The following ABCF3 variants were observed in gnomAD, a reference collection of about 807,000 sequenced individuals.
ABCF3 encodes ATP-binding cassette sub-family F member 3.
In ABCF3, 62 loss-of-function variants were observed where a neutral mutation model predicts 94.3. The observed-to-expected ratio is 0.66, with a 90% CI of 0.54 to 0.81. ABCF3 has a LOEUF of 0.81. ABCF3 is among the 40% of genes least tolerant of loss of function. The pLI is 0.00. For missense variants in ABCF3, 843 were observed against 925.3 expected, an observed-to-expected ratio of 0.91 and a Z score of 1.15; for synonymous variants, 355 against 361.1, an observed-to-expected ratio of 0.98 and a Z score of 0.19.
At position 184,190,263 on chromosome 3, in the gene ABCF3, G is replaced by A. The variant is rs557683269; in HGVS notation, c.1391+332G>A. 297 of 350,380 alleles carry A rather than the reference G, an allele frequency of 8.5e-4. 1 individual carries two copies. Among genetic ancestry groups the A allele is most frequent in the African/African-American group, 5.7e-3 (276 of 48,062 alleles). The allele number at this position is 350,380 out of a possible 1,614,324, so 21.7% of individuals were successfully genotyped here. A position where few individuals can be genotyped will look rare whatever the true frequency, so the allele number is the denominator to read the frequency against. ...GAGGCTCATCCATATTGTAGCGTGC[G>A]TCAGAGCTTCATTTCTTTTCGTGGC... On this transcript the variant is annotated intron_variant, in intron 14 of 20. Coordinates refer to ENST00000429586, the MANE Select transcript of ABCF3 (RefSeq NM_018358.3).
intron 18 of ABCF3, 96 bp downstream of exon 18, chr3:184,192,992 C>G: frequency 6.4e-7 from 1 of 1,565,492 alleles, no homozygotes; most frequent in Non-Finnish European, 8.7e-7. Context: ...GCGTGCAGAG[C>G]AGCCCCGCCA....
In ABCF3 at chr3:184,186,299, G is replaced by A. The variant is rs1480643863; in HGVS notation, c.73+19G>A. The A allele has an allele frequency of 3.1e-6, 5 of 1,613,878 alleles. No homozygotes were observed. Among genetic ancestry groups the A allele is most frequent in the Non-Finnish European group, 4.2e-6 (5 of 1,179,868 alleles). ...GTGACCGGTAAGCAGAACTGAATCG[G>A]CCGGCTGGGGAGACCGAAGTGGAGG... is the stretch of plus-strand genomic sequence containing the variant. On this transcript the variant is annotated intron_variant, in intron 1 of 20. Coordinates refer to ENST00000429586, the MANE Select transcript of ABCF3 (RefSeq NM_018358.3).
rs1560135942 is a variant in ABCF3 at position 184,191,187 on chromosome 3, T to G, written c.1501T>G (p.Tyr501Asp). Reference protein sequence around the residue: ...ILQLDEVDFYYDPKHVIFSRL... With the variant: ...ILQLDEVDFYDDPKHVIFSRL... Reference sequence around the variant, plus strand: ...GCAGCTAGATGAGGTGGATTTCTACTACGATCCGAAGCACGTCATCTTCAG... The same window carrying G: ...GCAGCTAGATGAGGTGGATTTCTACGACGATCCGAAGCACGTCATCTTCAG... The change falls in exon 16 of 21, where the codon TAC becomes GAC. Residue 501 changes from tyrosine to aspartate, a missense_variant. Physicochemically the swap from Tyr to Asp is radical, Grantham distance 160 (BLOSUM62 -3). Transcript: ENST00000429586. 1 of 1,614,220 alleles carries G rather than the reference T, an allele frequency of 6.2e-7. No individual in the cohort carries two copies.
At chr3:184,191,644 A>G (rs1287382589) in intron 16 of ABCF3, among the ~76,000 whole-genome samples, 5 of 151,906 alleles carry the variant, frequency 3.3e-5, no homozygotes, top group African/African-American at 9.7e-5. Flanking sequence ...GATGGCGCTG[A>G]CATCTACCTC....
chr3:184,192,498 C>A, intron 16 of ABCF3, 103 bp from the exon 17 acceptor site: 1 of 1,105,794 alleles, frequency 9.0e-7, no homozygotes, highest in Non-Finnish European at 1.3e-6. Flanking sequence ...ACTCTGCTCT[C>A]TACTTCTATG....
In ABCF3 at chr3:184,193,240, G is replaced by T. The variant is rs755960274; in HGVS notation, c.1883+6G>T. 5 of 1,572,998 alleles carry T rather than the reference G, an allele frequency of 3.2e-6. No individual in the cohort carries two copies. Among genetic ancestry groups the T allele is most frequent in the Non-Finnish European group, 3.4e-6 (4 of 1,160,002 alleles). On this transcript the variant is annotated splice_donor_region_variant and intron_variant, in intron 19 of 20. Coordinates refer to ENST00000429586, the MANE Select transcript of ABCF3 (RefSeq NM_018358.3). The surrounding 1 kb of genome is among the most constrained non-coding windows in gnomAD (Gnocchi z 5.2). ...GCTCAGATGACTATGCCCTGGTGAGGCCTCATTTTCCAGAGCTCTTCCCCT... is the reference window on the plus strand; with the variant it reads ...GCTCAGATGACTATGCCCTGGTGAGTCCTCATTTTCCAGAGCTCTTCCCCT...
intron 3 of ABCF3, 96 bp downstream of exon 3, chr3:184,186,971 C>T: frequency 7.8e-7 from 1 of 1,290,092 alleles, no homozygotes; most frequent in Non-Finnish European, 1.1e-6. Context: ...ACGTCTTTTC[C>T]ACAGGACAAG....
rs749166576 is a variant in ABCF3 at position 184,189,941 on chromosome 3, G to C, written c.1391+10G>C. The C allele has an allele frequency of 5.9e-5, 96 of 1,613,954 alleles. No homozygotes were observed. Among genetic ancestry groups the C allele is most frequent in the African/African-American group, 1.3e-4 (10 of 74,936 alleles). On this transcript the variant is annotated intron_variant, in intron 14 of 20. Coordinates refer to ENST00000429586, the MANE Select transcript of ABCF3 (RefSeq NM_018358.3). ...AGATGCTGGAGAAGCTGTGAGTACAGCATCCTTGGCCAGGGCCTGACTCCT... is the reference window on the plus strand; with the variant it reads ...AGATGCTGGAGAAGCTGTGAGTACACCATCCTTGGCCAGGGCCTGACTCCT...
Position 184,188,800 on chromosome 3 carries a change from T to G in ABCF3, c.876T>G (p.Tyr292Ter), listed in dbSNP as rs746520389. The change falls in exon 8 of 21, where the codon TAT becomes TAG. Residue 292 changes from tyrosine to a stop codon, truncating the protein, a stop_gained. Coordinates refer to ENST00000429586, the MANE Select transcript of ABCF3 (RefSeq NM_018358.3). LOFTEE classifies it high-confidence loss of function. ...GSEAAELAEI[Y>*]AKLEEIEADK... is the part of the protein sequence containing the mutation. ...AAGCTGCAGAGCTGGCAGAAATCTA[T>G]GCCAAACTGGAGGAGATTGAGGCTG... 1 of 1,613,962 alleles carries G rather than the reference T, an allele frequency of 6.2e-7. No homozygotes were observed. The highest frequency in any genetic ancestry group is 8.5e-7 in the Non-Finnish European group (1 of 1,179,890).
intron 4 of ABCF3, 107 bp downstream of exon 4, chr3:184,187,550 C>G (rs535001970): frequency 3.3e-4 from 512 of 1,536,708 alleles, no homozygotes; most frequent in Middle Eastern, 3.2e-3. Flanking sequence ...TTTTCCTGAG[C>G]CTTTGAGTCT....
chr3:184,191,737 GAGTTAGA>G (rs1369102431), intron 16 of ABCF3, among the ~76,000 whole-genome samples: 1 of 34,404 alleles, frequency 2.9e-5, no homozygotes, highest in East Asian at 1.5e-3. Flanking sequence ...TTTTTCTGTA[GAGTTAGA>G]GTTCCTTTTT....
intron 5 of ABCF3, 27 bp from the exon 6 acceptor site, chr3:184,187,834 A>C: frequency 6.2e-7 from 1 of 1,614,124 alleles, no homozygotes; most frequent in Non-Finnish European, 8.5e-7. Context: ...GGGGAGCACT[A>C]AGAGCTGTCC....
chr3:184,186,509 G>A lies in ABCF3; in HGVS notation c.76G>A (p.Val26Ile), dbSNP rs1303386695. The A allele has an allele frequency of 6.2e-7, 1 of 1,610,568 alleles. No homozygotes were observed. The highest frequency in any genetic ancestry group is 1.7e-4 in the Middle Eastern group (1 of 6,034). ...TCGTTCTACCACGCCCTGCCCAGGC[G>A]TCTTGCACAGCGGCAGCGCGGACTT... ...DGQVFDYVTG[V>I]LHSGSADFES... Residue 26 changes from valine (V) to isoleucine (I), a missense_variant and splice_region_variant, in exon 2 of 21, where the codon GTC becomes ATC. By Grantham distance (29) the Val-to-Ile change is conservative. Coordinates refer to ENST00000429586, the MANE Select transcript of ABCF3 (RefSeq NM_018358.3).
Position 184,186,240 on chromosome 3 carries a change from G to T in ABCF3, c.33G>T (p.Glu11Asp). The change falls in exon 1 of 21, where the codon GAG becomes GAT. Residue 11 changes from glutamate to aspartate, a missense_variant. Coordinates refer to ENST00000429586, the MANE Select transcript of ABCF3 (RefSeq NM_018358.3). MATCAEILRS[E>D]FPEIDGQVFD... ...CTTGCGCCGAAATCCTGCGGAGCGA[G>T]TTCCCCGAAATTGACGGACAAGTCT... The T allele has an allele frequency of 3.7e-6, 6 of 1,614,246 alleles. No individual in the cohort carries two copies. The highest frequency in any genetic ancestry group is 5.1e-6 in the Non-Finnish European group (6 of 1,180,058).
rs201135553 is a variant in ABCF3, at chr3:184,192,885, G to T, written c.1739G>T (p.Arg580Leu). Reference protein sequence around the residue: ...LNVSAVELLARKFPGRPEEEY... With the variant: ...LNVSAVELLALKFPGRPEEEY... ...GTCAGTGCTGTGGAACTGCTGGCAC[G>T]CAAGTTTCCTGGTGAGTTAGGGATT... The change falls in exon 18 of 21, where the codon CGC becomes CTC. Residue 580 changes from arginine (R) to leucine (L), a missense_variant. Arg to Leu is a moderately radical substitution (Grantham distance 102). Transcript: ENST00000429586. The T allele has an allele frequency of 1.2e-6, 2 of 1,614,042 alleles. No homozygotes were observed. Among genetic ancestry groups the T allele is most frequent in the Non-Finnish European group, 1.7e-6 (2 of 1,179,938 alleles).
rs900221884 is a variant in ABCF3, at chr3:184,190,894, G to C, written c.1392-105G>C. ...GACTCTAAAGTAATGATACCTGAGT[G>C]GTAGGAGTACAAGCCCTTTCTAAGT... On this transcript the variant is annotated intron_variant, in intron 14 of 20. Coordinates refer to ENST00000429586, the MANE Select transcript of ABCF3 (RefSeq NM_018358.3). 6 of 1,294,356 alleles carry C rather than the reference G, an allele frequency of 4.6e-6. No individual in the cohort carries two copies. The African/African-American group carries it at 8.9e-5, about 19-fold the overall frequency. The allele number at this position is 1,294,356 out of a possible 1,614,324, so 80.2% of individuals were successfully genotyped here. A position where few individuals can be genotyped will look rare whatever the true frequency, so the allele number is the denominator to read the frequency against.
chr3:184,188,529 C>T, intron 7 of ABCF3, 122 bp downstream of exon 7: 8 of 1,323,560 alleles, frequency 6.0e-6, no homozygotes, highest in Non-Finnish European at 8.2e-6. Context: ...GAACTTGGCA[C>T]TCTGGGACTC....
In ABCF3 at chr3:184,188,204, G is replaced by A; in HGVS notation, c.633G>A (p.Arg211=). 1 of 1,614,098 alleles carries A rather than the reference G, an allele frequency of 6.2e-7. No individual in the cohort carries two copies. The highest frequency in any genetic ancestry group is 8.5e-7 in the Non-Finnish European group (1 of 1,180,042). ...GCCGCCGTTACGGGCTGGTGGGGCG[G>A]AATGGGTTGGGGAAGACAACGTTAC... is the stretch of plus-strand genomic sequence containing the variant. ...AWGRRYGLVG[R]NGLGKTTLLK... is the part of the protein sequence containing the mutation. The change falls in exon 7 of 21, where the codon CGG becomes CGA. Residue 211 remains arginine (R), a synonymous_variant. Transcript: ENST00000429586.
intron 7 of ABCF3, 158 bp downstream of exon 7, chr3:184,188,565 C>T: frequency 9.1e-7 from 1 of 1,094,294 alleles, no homozygotes. Context: ...TTCCACAGTG[C>T]CCATTGCCCT....
Sources: gnomAD v4.1 joint callset for allele counts (sites outside exome capture counted in the v4.1 genomes callset) on GRCh38, gnomAD v4.1.1 for gene constraint, Gnocchi (gnomAD v3.1) non-coding constraint, MANE v1.5 for transcripts, NCBI Gene and HGNC (gene_info 2026-07-23, HGNC 2026-07-21) for gene names.